PCDH15: variants seen among roughly 807,000 people sequenced by gnomAD.
PCDH15 encodes protocadherin related 15.
PCDH15 carries 129 observed loss-of-function variants against 178.5 expected under a neutral mutation model. That is an observed-to-expected ratio of 0.72 (90% confidence interval 0.63 to 0.84). The LOEUF is 0.84. PCDH15 is among the 40% of genes least tolerant of loss of function. The pLI is 0.00. For missense variants in PCDH15, 2,230 were observed against 2,099.9 expected (o/e 1.06, Z -1.21); for synonymous variants, 800 against 732.0 (o/e 1.09, Z -1.50).
intron 31 of PCDH15, 63 bp downstream of exon 31, chr10:53,828,502 T>C (rs1179524235): frequency 6.6e-6 from 9 of 1,363,714 alleles, no homozygotes; most frequent in East Asian, 2.3e-5. Flanking sequence ...TTGATTGATA[T>C]AATCTCGGGT....
Position 53,814,515 on chromosome 10 carries a change from C to T in PCDH15, c.4491+1724G>A, listed in dbSNP as rs534533351. 2.6e-5 allele frequency among the ~76,000 whole-genome samples: 4 copies of T among 152,208 alleles called. No homozygotes were observed. In the South Asian group the frequency reaches 8.3e-4, roughly 32 times the overall value. On this transcript the variant is annotated intron_variant, in intron 35 of 37. Coordinates refer to ENST00000644397, the MANE Select transcript of PCDH15 (RefSeq NM_001384140.1). ...GGGATGCGGATAGGAACCCAGGAAACTCAGCAAGATAGCCCTTGATTCAAT... is the reference window on the plus strand; with the variant it reads ...GGGATGCGGATAGGAACCCAGGAAATTCAGCAAGATAGCCCTTGATTCAAT...
chr10:55,389,913 C>A (rs1214668557), intron 2 of PCDH15, among the ~76,000 whole-genome samples: 1 of 151,858 alleles, frequency 6.6e-6, no homozygotes, highest in East Asian at 1.9e-4. Context: ...AATCTTGTTT[C>A]AATAGTAAAA....
chr10:54,066,970 T>C lies in PCDH15; in HGVS notation c.2092-85A>G, dbSNP rs971286293. 1.7e-5 allele frequency: 23 copies of C among 1,343,874 alleles called. No individual in the cohort carries two copies. The East Asian group carries it at 2.1e-4, about 12-fold the overall frequency. 83.2% of individuals were successfully genotyped at this position (1,343,874 alleles called of 1,614,324 possible). Reference sequence around the variant, plus strand: ...AAGTAGTCATTCTGGCATTTGTCTATCTGAAAAGCATCTCATTTTTCTTTC... The same window carrying C: ...AAGTAGTCATTCTGGCATTTGTCTACCTGAAAAGCATCTCATTTTTCTTTC... On this transcript the variant is annotated intron_variant, in intron 17 of 37. Coordinates refer to ENST00000644397, the MANE Select transcript of PCDH15 (RefSeq NM_001384140.1).
chr10:54,411,401 C>T (rs1218480354), intron 3 of PCDH15, among the ~76,000 whole-genome samples: 1 of 152,112 alleles, frequency 6.6e-6, no homozygotes, highest in Non-Finnish European at 1.5e-5. Flanking sequence ...ACCAGTATAA[C>T]TGTAAGCCCT....
chr10:55,336,659 A>AG (rs1158530434), intron 2 of PCDH15, among the ~76,000 whole-genome samples: 1 of 152,170 alleles, frequency 6.6e-6, no homozygotes, highest in Non-Finnish European at 1.5e-5. Flanking sequence ...CTGAATAAAC[A>AG]GGGCTTGCTA....
chr10:54,092,406 T>C (rs116310372), intron 15 of PCDH15, among the ~76,000 whole-genome samples: 2,728 of 152,212 alleles, frequency 0.018, 60 homozygotes, highest in African/African-American at 0.048. Context: ...ATTCTTTTAT[T>C]TCTTTGGGGT....
Position 55,463,814 on chromosome 10 carries a change from A to T in PCDH15, c.-156+163811T>A, listed in dbSNP as rs572711884. 2.4e-4 allele frequency among the ~76,000 whole-genome samples: 37 copies of T among 151,512 alleles called. No individual in the cohort carries two copies. The Middle Eastern group carries it at 0.014, about 56-fold the overall frequency. ...TGGGCTTCAACAAGTGTAATAATTT[A>T]AATTAATTAATTATTAAATGAGATA... On this transcript the variant is annotated intron_variant, in intron 2 of 5. Coordinates refer to the PCDH15 transcript ENST00000613346.
chr10:53,979,945 G>A lies in PCDH15; in HGVS notation c.2868+15704C>T, dbSNP rs116768007. Among the ~76,000 whole-genome samples, 1,448 of 152,314 alleles carry A rather than the reference G, an allele frequency of 9.5e-3. 20 individuals carry two copies. Among genetic ancestry groups the A allele is most frequent in the African/African-American group, 0.034 (1,402 of 41,564 alleles). Reference sequence around the variant, plus strand: ...ATTAAAATGATAAACTAGGCCAGGTGCGGCGGCTCACGCCTGTAATCCCAG... The same window carrying A: ...ATTAAAATGATAAACTAGGCCAGGTACGGCGGCTCACGCCTGTAATCCCAG... On this transcript the variant is annotated intron_variant, in intron 21 of 37. Coordinates refer to ENST00000644397, the MANE Select transcript of PCDH15 (RefSeq NM_001384140.1).
intron 6 of PCDH15, among the ~76,000 whole-genome samples, chr10:54,345,636 A>G (rs1028571987): frequency 1.3e-5 from 2 of 151,486 alleles, no homozygotes; most frequent in Non-Finnish European, 2.9e-5. Context: ...CTTCTTGTCT[A>G]TTTGGGAGGC....
rs374289557 is a variant in PCDH15, at chr10:54,217,921, G to GT, written c.986-3874dup. On this transcript the variant is annotated intron_variant, in intron 9 of 37. Coordinates refer to ENST00000644397, the MANE Select transcript of PCDH15 (RefSeq NM_001384140.1). The stretch of plus-strand genomic sequence containing the variant: ...TTCAAGAGCCAAAAGGCTTTTTTTT[G>GT]TTTTTTTGTTTTTTAAGCTAAAGAT... 5.1e-3 allele frequency among the ~76,000 whole-genome samples: 770 copies of GT among 151,780 alleles called. 8 individuals are homozygous for GT. The highest frequency in any genetic ancestry group is 0.017 in the African/African-American group (710 of 41,426).
chr10:54,075,880 A>G (rs780574860), intron 17 of PCDH15, among the ~76,000 whole-genome samples: 3 of 152,130 alleles, frequency 2.0e-5, no homozygotes, highest in Non-Finnish European at 4.4e-5. Flanking sequence ...ATCAAGAAGT[A>G]TAAGTTCTCC....
chr10:54,806,273 T>C (rs1952776219), upstream of PCDH15, among the ~76,000 whole-genome samples: 1 of 152,186 alleles, frequency 6.6e-6, no homozygotes, highest in African/African-American at 2.4e-5. Context: ...ATTGTATTGT[T>C]GTATAACAAA....
At chr10:54,252,384 A>C (rs1392500928) in intron 8 of PCDH15, among the ~76,000 whole-genome samples, 2 of 152,208 alleles carry the variant, frequency 1.3e-5, no homozygotes, top group East Asian at 3.8e-4. Context: ...ACATCACAGA[A>C]GAGGTGTTAG....
rs570358859 is a variant in PCDH15, at chr10:55,533,397, A to G, written c.-156+94228T>C. Reference sequence around the variant, plus strand: ...TTTAGTAAGGTTTCAGGATACAAATATATGTAGAAAAATCAGTAACATTTC... The same window carrying G: ...TTTAGTAAGGTTTCAGGATACAAATGTATGTAGAAAAATCAGTAACATTTC... On this transcript the variant is annotated intron_variant, in intron 2 of 5. Coordinates refer to the PCDH15 transcript ENST00000613346. 2.0e-5 allele frequency among the ~76,000 whole-genome samples: 3 copies of G among 152,230 alleles called. No individual in the cohort carries two copies. In the East Asian group the frequency reaches 5.8e-4, roughly 29 times the overall value.
intron 17 of PCDH15, among the ~76,000 whole-genome samples, chr10:54,076,726 T>C (rs772094617): frequency 1.3e-5 from 2 of 152,108 alleles, no homozygotes; most frequent in Non-Finnish European, 2.9e-5. Context: ...ACTTCCTCCA[T>C]ACTGTCTACA....
intron 2 of PCDH15, among the ~76,000 whole-genome samples, chr10:55,326,644 A>G (rs553994951): frequency 1.3e-5 from 2 of 152,268 alleles, no homozygotes; most frequent in African/African-American, 4.8e-5. Context: ...TAGCAAATAA[A>G]CAGTTAACAG....
intron 4 of PCDH15, 134 bp downstream of exon 4, chr10:54,378,648 A>T: frequency 1.0e-6 from 1 of 999,794 alleles, no homozygotes; most frequent in Non-Finnish European, 1.5e-6. Flanking sequence ...TAAATGAGTT[A>T]AAGAAACTGT....
At chr10:53,856,248 A>G (rs566781438) in intron 28 of PCDH15, among the ~76,000 whole-genome samples, 1 of 151,704 alleles carries the variant, frequency 6.6e-6, no homozygotes. Context: ...AAAAAGAAAA[A>G]AAAATTTAAA....
intron 28 of PCDH15, among the ~76,000 whole-genome samples, chr10:53,854,572 G>A (rs1302567850): frequency 6.6e-6 from 1 of 151,866 alleles, no homozygotes; most frequent in South Asian, 2.1e-4. Context: ...TTGTCCAGAG[G>A]TTACAGAGCT....
Sources: gnomAD v4.1 joint callset for allele counts (sites outside exome capture counted in the v4.1 genomes callset) on GRCh38, gnomAD v4.1.1 for gene constraint, MANE v1.5 for transcripts, NCBI Gene and HGNC (gene_info 2026-07-23, HGNC 2026-07-21) for gene names.